DIAPH2: variants seen among roughly 807,000 people sequenced by gnomAD.
The protein encoded by DIAPH2 is diaphanous related formin 2.
A neutral mutation model predicts 92.7 loss-of-function variants in DIAPH2; 35 were observed. The ratio of observed to expected loss-of-function variants is 0.38; its 90% confidence interval spans 0.29 to 0.50. The LOEUF is 0.50. DIAPH2 is among the 20% of genes least tolerant of loss of function. The pLI, the probability that DIAPH2 is intolerant of heterozygous loss-of-function variation, is 0.94. For synonymous variants in DIAPH2, 301 were observed against 280.4 expected (o/e 1.07, Z -0.73); for missense variants, 701 against 819.5 (o/e 0.86, Z 1.77).
chrX:97,288,670 G>T (rs1193207911), intron 23 of DIAPH2, among the ~76,000 whole-genome samples: 1 of 107,503 alleles, frequency 9.3e-6, no homozygotes, highest in Non-Finnish European at 1.9e-5. Flanking sequence ...GAACCTGGGA[G>T]GCACAGGTTG....
intron 16 of DIAPH2, among the ~76,000 whole-genome samples, chrX:96,964,029 T>C (rs1322504483): frequency 1.8e-5 from 2 of 111,188 alleles, no homozygotes; most frequent in Admixed American, 1.9e-4. Flanking sequence ...TATTAGAAAA[T>C]AATATGTCTG....
chrX:97,100,278 A>AT (rs1192594919), intron 20 of DIAPH2, among the ~76,000 whole-genome samples: 3 of 111,679 alleles, frequency 2.7e-5, no homozygotes, highest in Non-Finnish European at 5.6e-5. Flanking sequence ...TCATTAATTG[A>AT]TTTAAAGCTT....
intron 22 of DIAPH2, among the ~76,000 whole-genome samples, chrX:97,229,315 G>T (rs1237760998): frequency 1.1e-5 from 1 of 87,278 alleles, no homozygotes; most frequent in Non-Finnish European, 2.5e-5. Flanking sequence ...GGTGACATCA[G>T]TGTCTTAAGA....
intron 23 of DIAPH2, among the ~76,000 whole-genome samples, chrX:97,267,722 G>A (rs1443232175): frequency 8.9e-6 from 1 of 111,919 alleles, no homozygotes; most frequent in Non-Finnish European, 1.9e-5. Flanking sequence ...GTCACAGCAT[G>A]TCAGTTTCTG....
In DIAPH2 at chrX:97,523,225, C is replaced by A. The variant is rs760606895; in HGVS notation, c.3242-76028C>A. On this transcript the variant is annotated intron_variant, in intron 26 of 26. Transcript: ENST00000324765. ...TCCTCTCTTTTGTCCTTTTGCATCT[C>A]CATACCTCCCTCCCTCCCAGTATTT... Among the ~76,000 whole-genome samples, 11 of 111,589 alleles carry A rather than the reference C, an allele frequency of 9.9e-5. No individual in the cohort carries two copies. The South Asian group carries it at 4.2e-3, about 43-fold the overall frequency.
chrX:96,890,543 A>G lies in DIAPH2; in HGVS notation c.587+8825A>G, dbSNP rs141174536. ...AAACCTGGTGTTCATTAGAACCCAC[A>G]CCGTTGTCCTCTCGTGGGTAATTCT... On this transcript the variant is annotated intron_variant, in intron 5 of 26. Transcript: ENST00000324765. Among the ~76,000 whole-genome samples, 869 of 111,458 alleles carry G rather than the reference A, an allele frequency of 7.8e-3. 7 individuals carry two copies. Among genetic ancestry groups the G allele is most frequent in the African/African-American group, 0.027 (840 of 30,667 alleles).
chrX:97,570,454 A>T (rs1375799762), intron 26 of DIAPH2, among the ~76,000 whole-genome samples: 3 of 108,537 alleles, frequency 2.8e-5, no homozygotes, highest in Non-Finnish European at 5.7e-5. Flanking sequence ...ATGAATTGTG[A>T]CTAGCTTTCA....
chrX:97,559,574 A>G (rs1380573865), intron 26 of DIAPH2, among the ~76,000 whole-genome samples: 2 of 111,549 alleles, frequency 1.8e-5, no homozygotes, highest in Non-Finnish European at 3.8e-5. Flanking sequence ...AAATATAGGC[A>G]TTCAAAACTT....
At chrX:96,821,515 T>C (rs1231714111) in intron 4 of DIAPH2, among the ~76,000 whole-genome samples, 1 of 112,122 alleles carries the variant, frequency 8.9e-6, no homozygotes, top group Non-Finnish European at 1.9e-5. Context: ...TCAGTGATGA[T>C]CACACCCATG....
intron 17 of DIAPH2, among the ~76,000 whole-genome samples, chrX:97,002,336 A>G (rs2066150403): frequency 9.0e-6 from 1 of 110,988 alleles, no homozygotes; most frequent in Non-Finnish European, 1.9e-5. Context: ...CATGTGGCCC[A>G]TCCCTATATA....
At chrX:97,363,673 A>G (rs1458147719) in intron 24 of DIAPH2, among the ~76,000 whole-genome samples, 1 of 102,579 alleles carries the variant, frequency 9.7e-6, no homozygotes, top group Non-Finnish European at 1.9e-5. Context: ...CTCAAAAAAA[A>G]AAAAAAAAAA....
At chrX:97,430,156 G>A (rs1306476834) in intron 26 of DIAPH2, among the ~76,000 whole-genome samples, 1 of 111,829 alleles carries the variant, frequency 8.9e-6, no homozygotes, top group South Asian at 3.7e-4. Flanking sequence ...TCTAGAGACC[G>A]TTTTGGTTTT....
chrX:97,274,009 GTGTGTGTGT>G (rs1569347533), intron 23 of DIAPH2, among the ~76,000 whole-genome samples: 1 of 9,198 alleles, frequency 1.1e-4, no homozygotes, highest in African/African-American at 1.8e-4. Flanking sequence ...AACTAGCGGT[GTGTGTGTGT>G]GTGTGTGTGT....
chrX:96,767,476 A>G (rs1388787767), intron 4 of DIAPH2, among the ~76,000 whole-genome samples: 1 of 111,869 alleles, frequency 8.9e-6, no homozygotes, highest in Non-Finnish European at 1.9e-5. Context: ...TTTTTGAAGT[A>G]TATTGTTTAT....
intron 1 of DIAPH2, among the ~76,000 whole-genome samples, chrX:96,710,565 T>TAAA (rs1263780809): frequency 9.0e-6 from 1 of 111,680 alleles, no homozygotes; most frequent in Non-Finnish European, 1.9e-5. Flanking sequence ...CATTTTTCTC[T>TAAA]TTTTACTTTG....
intron 22 of DIAPH2, among the ~76,000 whole-genome samples, chrX:97,194,104 C>T (rs907968247): frequency 4.5e-5 from 5 of 110,640 alleles, no homozygotes; most frequent in South Asian, 3.8e-4. Flanking sequence ...GCTAATAAGT[C>T]GCAGAGTCAG....
At chrX:97,155,517 A>AG (rs1221138966) in intron 22 of DIAPH2, among the ~76,000 whole-genome samples, 2 of 111,099 alleles carry the variant, frequency 1.8e-5, no homozygotes, top group Non-Finnish European at 3.8e-5. Context: ...GAAAAAAAAA[A>AG]AAAATGTGGA....
At chrX:97,466,126 G>T (rs888275454) in intron 26 of DIAPH2, among the ~76,000 whole-genome samples, 1 of 111,663 alleles carries the variant, frequency 9.0e-6, no homozygotes, top group African/African-American at 3.3e-5. Flanking sequence ...TATTGATTTG[G>T]CTCTGAAATA....
chrX:97,427,661 T>C (rs2070083062), intron 25 of DIAPH2, among the ~76,000 whole-genome samples: 1 of 43,055 alleles, frequency 2.3e-5, no homozygotes, highest in African/African-American at 7.8e-5. Context: ...TTGTTTGTTT[T>C]GTTTTTGTTT....
Sources: allele counts gnomAD v4.1 joint callset (sites outside exome capture counted in the v4.1 genomes callset), GRCh38; gene constraint gnomAD v4.1.1; transcripts MANE v1.5; gene names NCBI Gene and HGNC (gene_info 2026-07-23, HGNC 2026-07-21).